GIGYF2: variants seen among roughly 807,000 people sequenced by gnomAD.
GIGYF2 encodes GRB10-interacting GYF protein 2.
A neutral mutation model predicts 208.1 loss-of-function variants in GIGYF2; 25 were observed. The observed-to-expected ratio is 0.12, with a 90% CI of 0.09 to 0.17. The LOEUF (loss-of-function observed/expected upper bound fraction) is 0.17, where lower values mean the gene tolerates loss of function less well. Ranked by LOEUF, GIGYF2 falls within the 10% of genes least tolerant of loss-of-function variation. The probability of loss-of-function intolerance (pLI) is 1.00; values close to 1 mark genes in which losing one functional copy is unlikely to be tolerated. For missense variants in GIGYF2, 1,302 were observed against 1,579.4 expected, an observed-to-expected ratio of 0.82 and a Z score of 2.98; for synonymous variants, 534 against 543.8, an observed-to-expected ratio of 0.98 and a Z score of 0.25.
At chr2:232,765,378 A>T (rs554386897) in intron 8 of GIGYF2, 1 of 152,884 alleles carries the variant, frequency 6.5e-6, no homozygotes, top group East Asian at 1.9e-4. Context: ...AGTACTGAAG[A>T]TTCCAGGATG....
chr2:232,816,861 G>A lies in GIGYF2; in HGVS notation c.2209-10G>A. 1.9e-6 allele frequency: 3 copies of A among 1,607,676 alleles called. No individual in the cohort carries two copies. Among genetic ancestry groups the A allele is most frequent in the Non-Finnish European group, 2.6e-6 (3 of 1,174,172 alleles). On this transcript the variant is annotated splice_polypyrimidine_tract_variant and intron_variant, in intron 19 of 28. Transcript: ENST00000373563. The stretch of plus-strand genomic sequence containing the variant: ...TTCAAGTTTCTAAGAGTACTCTTGT[G>A]TAATCACAGCTAGAGCAAGAGAGAA...
chr2:232,747,875 C>G, intron 4 of GIGYF2, 131 bp downstream of exon 4: 2 of 851,676 alleles, frequency 2.3e-6, no homozygotes, highest in Admixed American at 4.0e-5. Flanking sequence ...AACTGTTTCC[C>G]TGCTTTGAAG....
Position 232,735,210 on chromosome 2 carries a change from A to G in GIGYF2, c.13A>G (p.Thr5Ala), listed in dbSNP as rs1265893036. MAAE[T>A]QTLNFGPEWL... ...AATACGGAAAAGAATGGCAGCGGAA[A>G]CGCAGACACTGAACTTTGGGCCTGA... Residue 5 changes from threonine (T) to alanine (A), a missense_variant, in exon 3 of 29, where the codon ACG becomes GCG. This residue lies in a region of GIGYF2 where 27 missense variants were observed against 59.5 expected (regional missense o/e 0.45). Transcript: ENST00000373563. The G allele has an allele frequency of 1.2e-6, 2 of 1,609,058 alleles. No individual in the cohort carries two copies. The highest frequency in any genetic ancestry group is 2.2e-5 in the East Asian group (1 of 44,852).
At chr2:232,805,553 TG>T (rs1700535621) in intron 14 of GIGYF2, among the ~76,000 whole-genome samples, 2 of 152,236 alleles carry the variant, frequency 1.3e-5, no homozygotes, top group African/African-American at 4.8e-5. Flanking sequence ...CTCCTCAGTC[TG>T]CCTACTTTGT....
At chr2:232,729,770 A>G (rs983263464) in intron 2 of GIGYF2, 6 of 751,478 alleles carry the variant, frequency 8.0e-6, no homozygotes, top group African/African-American at 3.4e-5. Context: ...TTTCACATCT[A>G]TAAGATGGAA....
intron 20 of GIGYF2, among the ~76,000 whole-genome samples, chr2:232,817,688 T>A (rs1700955587): frequency 6.6e-6 from 1 of 152,248 alleles, no homozygotes; most frequent in Non-Finnish European, 1.5e-5. Flanking sequence ...ATTCATATTG[T>A]AGCATATATC....
chr2:232,779,051 A>G (rs1199126644), intron 8 of GIGYF2, among the ~76,000 whole-genome samples: 1 of 152,092 alleles, frequency 6.6e-6, no homozygotes, highest in Non-Finnish European at 1.5e-5. Flanking sequence ...AAAGCAGTAT[A>G]TTTTGGGGTG....
chr2:232,836,299 T>TATAC (rs1701607262), intron 22 of GIGYF2, among the ~76,000 whole-genome samples: 1 of 20,032 alleles, frequency 5.0e-5, no homozygotes, highest in Non-Finnish European at 1.1e-4. Flanking sequence ...TATATATATA[T>TATAC]ATATATATAT....
Position 232,770,997 on chromosome 2 carries a change from A to G in GIGYF2, c.532+9561A>G, listed in dbSNP as rs747184742. On this transcript the variant is annotated intron_variant, in intron 8 of 28. Coordinates refer to ENST00000373563, the MANE Select transcript of GIGYF2 (RefSeq NM_001103146.3). ...AGTCACCACTGGGGAACATGGTACC[A>G]TAACCAATTGTGAGTTGTGTCTCCA... 1.8e-5 allele frequency: 29 copies of G among 1,614,032 alleles called. No individual in the cohort carries two copies. In the African/African-American group the frequency reaches 2.5e-4, roughly 14 times the overall value.
intron 3 of GIGYF2, among the ~76,000 whole-genome samples, chr2:232,743,017 T>C (rs552235327): frequency 6.6e-6 from 1 of 152,308 alleles, no homozygotes; most frequent in East Asian, 1.9e-4. Flanking sequence ...ACATTGTTTA[T>C]TGACTATCCA....
At chr2:232,796,517 G>A (rs544524387) in intron 14 of GIGYF2, among the ~76,000 whole-genome samples, 1 of 152,128 alleles carries the variant, frequency 6.6e-6, no homozygotes, top group Non-Finnish European at 1.5e-5. Flanking sequence ...AGATTTTAGA[G>A]CATTTTGGAT....
At chr2:232,722,318 G>A (rs1696980934) in intron 2 of GIGYF2, among the ~76,000 whole-genome samples, 1 of 152,144 alleles carries the variant, frequency 6.6e-6, no homozygotes, top group African/African-American at 2.4e-5. Context: ...GGGAAGCAAG[G>A]CACCTTCTAC....
chr2:232,729,346 G>T (rs1021661169), intron 2 of GIGYF2, among the ~76,000 whole-genome samples: 1 of 152,090 alleles, frequency 6.6e-6, no homozygotes, highest in Admixed American at 6.6e-5. Context: ...TGGATAGCTG[G>T]GGTTTAAATG....
chr2:232,765,591 G>T (rs1698923265), intron 8 of GIGYF2: 2 of 143,566 alleles, frequency 1.4e-5, no homozygotes, highest in Non-Finnish European at 3.1e-5. Context: ...CTACTCAGTA[G>T]GAATTGATTG....
chr2:232,857,110 C>T lies in GIGYF2; in HGVS notation c.*250C>T. The stretch of plus-strand genomic sequence containing the variant: ...GGGGGTGGCAGTTGGGATTACTCCC[C>T]AACAAGGCTGATTTTAGGCAGCATG... On this transcript the variant is annotated 3_prime_UTR_variant, in exon 29 of 29. Transcript: ENST00000373563. 1 of 561,970 alleles carries T rather than the reference C, an allele frequency of 1.8e-6. No individual in the cohort carries two copies. The highest frequency in any genetic ancestry group is 2.0e-5 in the South Asian group (1 of 49,302). 34.8% of individuals were successfully genotyped at this position (561,970 alleles called of 1,614,324 possible). A position where few individuals can be genotyped will look rare whatever the true frequency, so the allele number is the denominator to read the frequency against.
At chr2:232,746,733 G>A (rs1322535615) in intron 3 of GIGYF2, among the ~76,000 whole-genome samples, 1 of 151,658 alleles carries the variant, frequency 6.6e-6, no homozygotes, top group Non-Finnish European at 1.5e-5. Context: ...ATTTCTCTTT[G>A]TACTTTACTG....
At chr2:232,698,970 A>G (rs772288999) in intron 1 of GIGYF2, among the ~76,000 whole-genome samples, 1 of 152,242 alleles carries the variant, frequency 6.6e-6, no homozygotes, top group Non-Finnish European at 1.5e-5. Context: ...ACTGTTAAGT[A>G]CTGGGAGCAA....
At position 232,803,684 on chromosome 2, in the gene GIGYF2, T is replaced by TCACCAGTACTGTACAATC. The variant is rs1700467796; in HGVS notation, c.1640-2807_1640-2806insCACCAGTACTGTACAATC. ...TTTCTATTTCTGCTTCTTTTTTTTTTTTTTTTTTTTTTTTGAGACGGAGTC... is the reference window on the plus strand; with the variant it reads ...TTTCTATTTCTGCTTCTTTTTTTTTTCACCAGTACTGTACAATCTTTTTTTTTTTTTTGAGACGGAGTC... On this transcript the variant is annotated intron_variant, in intron 14 of 28. Transcript: ENST00000373563. Among the ~76,000 whole-genome samples, 24 of 50,776 alleles carry TCACCAGTACTGTACAATC rather than the reference T, an allele frequency of 4.7e-4. 7 individuals are homozygous for TCACCAGTACTGTACAATC. In the East Asian group the frequency reaches 7.5e-3, roughly 16 times the overall value. The allele number at this position is 50,776 out of a possible 152,430, so 33.3% of individuals were successfully genotyped here.
chr2:232,826,827 T>C (rs1411024679), intron 21 of GIGYF2, among the ~76,000 whole-genome samples: 1 of 152,208 alleles, frequency 6.6e-6, no homozygotes, highest in East Asian at 1.9e-4. Flanking sequence ...AGTCAGTCAA[T>C]GCAGCAGACT....
Sources: gnomAD v4.1 joint callset for allele counts (sites outside exome capture counted in the v4.1 genomes callset) on GRCh38, gnomAD v4.1.1 for gene constraint, gnomAD v4.1.1 regional missense constraint, MANE v1.5 for transcripts, NCBI Gene and HGNC (gene_info 2026-07-23, HGNC 2026-07-21) for gene names.